ARL10: variants seen among roughly 807,000 people sequenced by gnomAD.
ARL10 encodes ADP-ribosylation factor-like protein 10.
A neutral mutation model predicts 26.1 loss-of-function variants in ARL10; 23 were observed. That is an observed-to-expected ratio of 0.88 (90% CI 0.63 to 1.25). The LOEUF is 1.25. Ranked by LOEUF, ARL10 falls within the 50% of genes most tolerant of loss-of-function variation. The probability of loss-of-function intolerance (pLI) is 0.00; values close to 1 mark genes in which losing one functional copy is unlikely to be tolerated. For missense variants in ARL10, 300 were observed against 323.6 expected, an observed-to-expected ratio of 0.93 and a Z score of 0.56; for synonymous variants, 138 against 149.1, an observed-to-expected ratio of 0.93 and a Z score of 0.54.
downstream of ARL10, among the ~76,000 whole-genome samples, chr5:176,382,515 C>T (rs761532474): frequency 5.9e-5 from 9 of 152,220 alleles, no homozygotes; most frequent in Non-Finnish European, 1.3e-4. Flanking sequence ...CCTGTTGAAC[C>T]TGTGTCTGGT....
At chr5:176,411,299 G>A in the ARL10 span, among the ~76,000 whole-genome samples, 1 of 152,154 alleles carries the variant, frequency 6.6e-6, no homozygotes, top group Non-Finnish European at 1.5e-5. Context: ...TGTAAAACAT[G>A]CACTTACCTG....
chr5:176,388,563 C>T, exon 2 of ARL10: 1 of 1,584,322 alleles, frequency 6.3e-7, no homozygotes, highest in Non-Finnish European at 8.7e-7. Flanking sequence ...GCACCAGCAG[C>T]TCAAACACGC....
At chr5:176,384,426 TCTGAACTCATC>T (rs1755668041), downstream of ARL10, 1 of 1,549,470 alleles carries the variant, frequency 6.5e-7, no homozygotes, top group Admixed American at 1.8e-5. Flanking sequence ...AAGGCTCAAA[TCTGAACTCATC>T]CTGAATTAGG....
chr5:176,392,819 C>G, downstream of ARL10: 1 of 1,614,252 alleles, frequency 6.2e-7, no homozygotes, highest in Non-Finnish European at 8.5e-7. The surrounding 1 kb of genome is among the most constrained non-coding windows in gnomAD (Gnocchi z 5.2). Flanking sequence ...GCACCGAGCG[C>G]AGGCGGGACA....
Position 176,372,579 on chromosome 5 carries a change from T to C in ARL10, c.*684T>C. The stretch of plus-strand genomic sequence containing the variant: ...CCCTGCCTTTCCCTGAGCCCAGGCC[T>C]GGCCTGCCAGCCTCTCTTGACTACA... On this transcript the variant is annotated 3_prime_UTR_variant, in exon 4 of 4. Coordinates refer to ENST00000310389, the MANE Select transcript of ARL10 (RefSeq NM_173664.6). 1 of 224,062 alleles carries C rather than the reference T, an allele frequency of 4.5e-6. No individual in the cohort carries two copies. The highest frequency in any genetic ancestry group is 1.8e-4 in the South Asian group (1 of 5,418). 13.9% of individuals were successfully genotyped at this position (224,062 alleles called of 1,614,324 possible).
At chr5:176,402,010 T>C, downstream of ARL10, 1 of 314,378 alleles carries the variant, frequency 3.2e-6, no homozygotes, top group Non-Finnish European at 6.3e-6. Flanking sequence ...CACTTTAAAA[T>C]ATCCAAAGGC....
chr5:176,385,451 G>T (rs995324308), downstream of ARL10: 7 of 641,506 alleles, frequency 1.1e-5, no homozygotes, highest in South Asian at 1.3e-4. Flanking sequence ...CCACCTGGGG[G>T]TCTTTGCCTC....
chr5:176,378,073 T>C lies in ARL10; in HGVS notation c.*6178T>C, dbSNP rs1418214188. The C allele has an allele frequency of 6.6e-6, 1 of 152,282 alleles. No individual in the cohort carries two copies. Among genetic ancestry groups the C allele is most frequent in the Non-Finnish European group, 1.5e-5 (1 of 68,072 alleles). 9.4% of individuals were successfully genotyped at this position (152,282 alleles called of 1,614,324 possible). ...CACCGTGCCTGGCCAAGTGCAAAGC[T>C]TTTAACAATAGAAGTTTCAAGGGCT... On this transcript the variant is annotated 3_prime_UTR_variant, in exon 4 of 4. Coordinates refer to ENST00000310389, the MANE Select transcript of ARL10 (RefSeq NM_173664.6).
At chr5:176,386,679 G>C, downstream of ARL10, 1 of 727,148 alleles carries the variant, frequency 1.4e-6, no homozygotes, top group South Asian at 1.5e-5. Flanking sequence ...TGAAAAATGA[G>C]CCAGCCAGGA....
At chr5:176,382,957 T>A (rs1485211557), downstream of ARL10, among the ~76,000 whole-genome samples, 1 of 152,208 alleles carries the variant, frequency 6.6e-6, no homozygotes, top group Non-Finnish European at 1.5e-5. Context: ...AGCACTGCTG[T>A]GTGCTTCCGA....
At chr5:176,413,008 C>A in the ARL10 span, among the ~76,000 whole-genome samples, 2 of 152,150 alleles carry the variant, frequency 1.3e-5, no homozygotes, top group African/African-American at 2.4e-5. Flanking sequence ...CACACAGCTG[C>A]CTGGGGTCTA....
At chr5:176,388,538 ATCG>A in exon 2 of ARL10, 1 of 1,609,792 alleles carries the variant, frequency 6.2e-7, no homozygotes, top group Non-Finnish European at 8.5e-7. Flanking sequence ...GGCCTTGGGC[ATCG>A]CGCTGACCAC....
intron 2 of ARL10, chr5:176,367,830 G>T: frequency 1.6e-5 from 8 of 499,574 alleles, no homozygotes; most frequent in Admixed American, 1.1e-4. Context: ...CCTTTTTTCT[G>T]TTTTATTTCT....
At chr5:176,393,042 G>C (rs1756329182), downstream of ARL10, 1 of 1,353,110 alleles carries the variant, frequency 7.4e-7, no homozygotes, top group African/African-American at 1.4e-5. The surrounding 1 kb of genome is among the most constrained non-coding windows in gnomAD (Gnocchi z 4.4). Flanking sequence ...CTGGGGCACT[G>C]TGTCCTCCCC....
downstream of ARL10, chr5:176,385,217 T>C (rs761318474): frequency 2.4e-5 from 38 of 1,576,018 alleles, no homozygotes; most frequent in African/African-American, 6.7e-5. Context: ...CCTGAGCCGC[T>C]CACCTTATAG....
Position 176,375,418 on chromosome 5 carries a change from A to G in ARL10, c.*3523A>G, listed in dbSNP as rs779091911. The G allele has an allele frequency of 1.3e-4, 20 of 152,060 alleles. No individual in the cohort carries two copies. The highest frequency in any genetic ancestry group is 2.4e-4 in the Non-Finnish European group (16 of 68,034). 9.4% of individuals were successfully genotyped at this position (152,060 alleles called of 1,614,324 possible). On this transcript the variant is annotated 3_prime_UTR_variant, in exon 4 of 4. Transcript: ENST00000310389. ...TGTGCTACAAAATTCTTTTCAATTT[A>G]GCATTAACTTTAATTTCCATACAGT...
chr5:176,399,908 T>C (rs528943384), intron 1 of ARL10, among the ~76,000 whole-genome samples: 2 of 122,544 alleles, frequency 1.6e-5, no homozygotes, highest in East Asian at 2.5e-4. Context: ...AAAATGGGAA[T>C]AGACCGGGCA....
chr5:176,397,979 C>G, intron 1 of ARL10: 1 of 1,614,140 alleles, frequency 6.2e-7, no homozygotes, highest in South Asian at 1.1e-5. Context: ...TGCGGATGCT[C>G]TCAGGCTCCT....
chr5:176,389,202 C>T (rs1213670202), downstream of ARL10: 3 of 1,199,362 alleles, frequency 2.5e-6, no homozygotes, highest in African/African-American at 3.0e-5. Context: ...GACCTCGACT[C>T]GACCTACCCT....
Sources: allele counts gnomAD v4.1 joint callset (sites outside exome capture counted in the v4.1 genomes callset), GRCh38; gene constraint gnomAD v4.1.1; non-coding constraint Gnocchi (gnomAD v3.1); transcripts MANE v1.5; gene names NCBI Gene and HGNC (gene_info 2026-07-23, HGNC 2026-07-21).